Variants in CDYL2 observed in about 807,000 individuals in gnomAD.
CDYL2 encodes the protein chromodomain Y like 2.
In CDYL2, 23 loss-of-function variants were observed where a neutral mutation model predicts 49.4. The observed-to-expected ratio is 0.47, with a 90% CI of 0.34 to 0.66. The LOEUF is 0.66. Among genes scored for constraint, CDYL2 ranks in the 30% least tolerant of loss-of-function variants. CDYL2 has a pLI of 0.01. For missense variants in CDYL2, 678 were observed against 656.4 expected (o/e 1.03, Z -0.36); for synonymous variants, 360 against 268.8 (o/e 1.34, Z -3.32).
At chr16:80,761,736 C>A (rs1236176664) in intron 1 of CDYL2, among the ~76,000 whole-genome samples, 4 of 152,004 alleles carry the variant, frequency 2.6e-5, no homozygotes, top group Admixed American at 2.0e-4. Context: ...ATATCTACAT[C>A]TATTAAAATA....
chr16:80,712,061 G>A (rs1280987008), intron 1 of CDYL2, among the ~76,000 whole-genome samples: 4 of 146,798 alleles, frequency 2.7e-5, no homozygotes, highest in African/African-American at 7.4e-5. Context: ...AGATGTGTGT[G>A]TATAGATGTG....
intron 1 of CDYL2, among the ~76,000 whole-genome samples, chr16:80,802,788 C>G (rs1907965598): frequency 6.6e-6 from 1 of 152,226 alleles, no homozygotes; most frequent in African/African-American, 2.4e-5. Flanking sequence ...AACCCACCAC[C>G]TGAAAAAGCT....
At chr16:80,773,948 G>A (rs752766449) in intron 1 of CDYL2, among the ~76,000 whole-genome samples, 1 of 151,994 alleles carries the variant, frequency 6.6e-6, no homozygotes, top group Non-Finnish European at 1.5e-5. Context: ...CAAACAGATA[G>A]GTTTATAGAA....
intron 2 of CDYL2, among the ~76,000 whole-genome samples, chr16:80,637,894 T>C (rs1300029634): frequency 6.6e-6 from 1 of 152,232 alleles, no homozygotes; most frequent in Non-Finnish European, 1.5e-5. Flanking sequence ...GTACAACTAT[T>C]ATACGTAAAT....
intron 1 of CDYL2, among the ~76,000 whole-genome samples, chr16:80,787,170 G>T (rs1907464340): frequency 1.3e-5 from 2 of 152,146 alleles, no homozygotes; most frequent in African/African-American, 4.8e-5. Context: ...AAGAGGATAT[G>T]CCGGGAGTCT....
intron 1 of CDYL2, among the ~76,000 whole-genome samples, chr16:80,767,264 T>C (rs1597123671): frequency 1.3e-5 from 2 of 152,220 alleles, no homozygotes; most frequent in East Asian, 3.8e-4. Flanking sequence ...CCCAACTGCA[T>C]TTTTGCACAG....
At chr16:80,681,494 A>T (rs1389452508) in intron 2 of CDYL2, among the ~76,000 whole-genome samples, 2 of 152,128 alleles carry the variant, frequency 1.3e-5, no homozygotes, top group Non-Finnish European at 2.9e-5. Context: ...AAATTCTGGA[A>T]CCACGGCATC....
At chr16:80,743,764 A>AT (rs142830781) in intron 1 of CDYL2, among the ~76,000 whole-genome samples, 3,527 of 151,924 alleles carry the variant, frequency 0.023, 139 homozygotes, top group African/African-American at 0.082. Flanking sequence ...TTGTTTTAGT[A>AT]TTTTTTTTAA....
rs1163641917 is a variant in CDYL2, at chr16:80,599,857, C to G, written c.*4531G>C. 1 of 152,176 alleles carries G rather than the reference C, an allele frequency of 6.6e-6. No homozygotes were observed. The highest frequency in any genetic ancestry group is 1.5e-5 in the Non-Finnish European group (1 of 68,036). 9.4% of individuals were successfully genotyped at this position (152,176 alleles called of 1,614,324 possible). ...CTGGAAAACCTATCCTTGGTCTATT[C>G]TTATGGCCAAAGACAATCACCAAGG... On this transcript the variant is annotated 3_prime_UTR_variant, in exon 7 of 7. Coordinates refer to ENST00000570137, the MANE Select transcript of CDYL2 (RefSeq NM_152342.4).
intron 1 of CDYL2, among the ~76,000 whole-genome samples, chr16:80,728,304 A>T (rs188405202): frequency 3.2e-4 from 49 of 152,276 alleles, no homozygotes; most frequent in Admixed American, 1.5e-3. Flanking sequence ...AAGAATGCAG[A>T]AGCCTCAGGA....
intron 2 of CDYL2, among the ~76,000 whole-genome samples, chr16:80,683,869 C>T (rs904485695): frequency 6.6e-6 from 1 of 152,224 alleles, no homozygotes; most frequent in Non-Finnish European, 1.5e-5. Context: ...TCATCATGGA[C>T]TTCTAGCCTT....
chr16:80,644,162 T>C (rs532472293), intron 2 of CDYL2, among the ~76,000 whole-genome samples: 2 of 152,264 alleles, frequency 1.3e-5, no homozygotes, highest in South Asian at 2.1e-4. Flanking sequence ...GTTCCACAAA[T>C]CTCTAAGGCA....
intron 1 of CDYL2, among the ~76,000 whole-genome samples, chr16:80,686,899 C>G (rs1910217265): frequency 6.6e-6 from 1 of 152,184 alleles, no homozygotes; most frequent in Non-Finnish European, 1.5e-5. Context: ...GTCCTGGGAA[C>G]AGGTCTTTTA....
rs4888100 is a variant in CDYL2 at position 80,619,180 on chromosome 16, A to C, written c.1007+1583T>G. Among the ~76,000 whole-genome samples the C allele has an allele frequency of 1.1e-4, 17 of 152,050 alleles. No homozygotes were observed. In the South Asian group the frequency reaches 3.3e-3, roughly 30 times the overall value. ...CTGTCTCTGTGTCCCCTCTTATGAA[A>C]TAAGTTCTCTCTGCGTCTGGAGCCC... On this transcript the variant is annotated intron_variant, in intron 4 of 6. Coordinates refer to ENST00000570137, the MANE Select transcript of CDYL2 (RefSeq NM_152342.4).
At chr16:80,647,511 A>G (rs1423385365) in intron 2 of CDYL2, among the ~76,000 whole-genome samples, 1 of 152,164 alleles carries the variant, frequency 6.6e-6, no homozygotes, top group Non-Finnish European at 1.5e-5. Context: ...AAATATATAT[A>G]TGCACCCAAC....
intron 2 of CDYL2, among the ~76,000 whole-genome samples, chr16:80,677,394 G>C (rs778646656): frequency 9.2e-5 from 14 of 152,170 alleles, no homozygotes; most frequent in Non-Finnish European, 1.9e-4. Flanking sequence ...GTGGCATGGA[G>C]TTAGTCACAG....
At chr16:80,784,829 C>G (rs752250219) in intron 1 of CDYL2, among the ~76,000 whole-genome samples, 2 of 152,116 alleles carry the variant, frequency 1.3e-5, no homozygotes, top group Non-Finnish European at 2.9e-5. Context: ...GAATATATCA[C>G]AAGGAGGTCT....
chr16:80,799,025 A>T (rs892160032), intron 1 of CDYL2, among the ~76,000 whole-genome samples: 7 of 151,802 alleles, frequency 4.6e-5, no homozygotes, highest in African/African-American at 7.3e-5. Context: ...ATATATAGAT[A>T]TATATAGATA....
chr16:80,656,566 A>C (rs548862817), intron 2 of CDYL2, among the ~76,000 whole-genome samples: 12 of 152,364 alleles, frequency 7.9e-5, no homozygotes, highest in Admixed American at 7.8e-4. Flanking sequence ...CCATCATGCT[A>C]GTTTCCTTCC....
Sources: gnomAD v4.1 joint callset for allele counts (sites outside exome capture counted in the v4.1 genomes callset) on GRCh38, gnomAD v4.1.1 for gene constraint, MANE v1.5 for transcripts, NCBI Gene and HGNC (gene_info 2026-07-23, HGNC 2026-07-21) for gene names.